RGPD1: variants seen among roughly 807,000 people sequenced by gnomAD.
The protein encoded by RGPD1 is RANBP2 like and GRIP domain containing 1.
A neutral mutation model predicts 40.6 loss-of-function variants in RGPD1; 7 were observed. That is an observed-to-expected ratio of 0.17 (90% confidence interval 0.10 to 0.32). RGPD1 has a LOEUF of 0.32. Ranked by LOEUF, RGPD1 falls within the 10% of genes least tolerant of loss-of-function variation. RGPD1 has a pLI of 1.00. For missense variants in RGPD1, 50 were observed against 472.5 expected (o/e 0.11, Z 8.29); for synonymous variants, 24 against 167.0 (o/e 0.14, Z 6.60).
At chr2:86,935,977 TTTC>T (rs60651696) in intron 1 of RGPD1, among the ~76,000 whole-genome samples, 7,171 of 142,256 alleles carry the variant, frequency 0.05, 589 homozygotes, top group African/African-American at 0.17. Context: ...TATCAGATAT[TTTC>T]TTATCAAAAA....
rs1302906854 is a variant in RGPD1, at chr2:86,920,032, G to T, written c.72+6111G>T. Reference sequence around the variant, plus strand: ...AGGAATTGCTGTCTGCAATTTCCTTGAGAAAAATCTTATGGGAAAATAGGG... The same window carrying T: ...AGGAATTGCTGTCTGCAATTTCCTTTAGAAAAATCTTATGGGAAAATAGGG... On this transcript the variant is annotated intron_variant, in intron 1 of 22. Coordinates refer to the RGPD1 transcript ENST00000398193. Among the ~76,000 whole-genome samples, 1,167 of 151,958 alleles carry T rather than the reference G, an allele frequency of 7.7e-3. 5 individuals carry two copies. Among genetic ancestry groups the T allele is most frequent in the African/African-American group, 0.025 (1,049 of 41,372 alleles).
chr2:86,941,010 TAGAA>T (rs1169285770), upstream of RGPD1, among the ~76,000 whole-genome samples: 1 of 151,346 alleles, frequency 6.6e-6, no homozygotes, highest in Non-Finnish European at 1.5e-5. Flanking sequence ...TTTCCTTTTT[TAGAA>T]AGGCAATACT....
At chr2:86,942,377 CGG>C in intron 1 of RGPD1, 69 bp downstream of exon 1, 1 of 1,405,592 alleles carries the variant, frequency 7.1e-7, no homozygotes, top group South Asian at 1.3e-5. Context: ...GGCCGGGCGG[CGG>C]CCTCGACCTG....
intron 1 of RGPD1, among the ~76,000 whole-genome samples, chr2:86,918,453 C>CTTTTTTT (rs1160123598): frequency 1.3e-5 from 1 of 78,110 alleles, no homozygotes; most frequent in East Asian, 3.7e-4. Flanking sequence ...CACACCAAAT[C>CTTTTTTT]TTTTTTTTTT....
chr2:86,962,536 C>G (rs944516162), intron 6 of RGPD1, among the ~76,000 whole-genome samples: 1 of 95,588 alleles, frequency 1.0e-5, no homozygotes. Context: ...AAAAAAAAGA[C>G]AATTTATTTA....
At chr2:86,942,833 A>T (rs923810767) in intron 1 of RGPD1, among the ~76,000 whole-genome samples, 1 of 151,918 alleles carries the variant, frequency 6.6e-6, no homozygotes, top group African/African-American at 2.4e-5. Context: ...CAAGCGCAGG[A>T]AGAGTCCTGG....
intron 4 of RGPD1, among the ~76,000 whole-genome samples, chr2:86,955,944 T>C (rs1188448043): frequency 2.0e-5 from 3 of 150,762 alleles, no homozygotes; most frequent in Non-Finnish European, 4.4e-5. Flanking sequence ...GTGTAACAAG[T>C]AAGATACTTT....
chr2:86,945,628 T>G (rs1447841613), intron 1 of RGPD1, among the ~76,000 whole-genome samples: 1 of 152,214 alleles, frequency 6.6e-6, no homozygotes, highest in Non-Finnish European at 1.5e-5. Flanking sequence ...GCTTTTGCCC[T>G]TCTTAAAAAT....
intron 1 of RGPD1, chr2:86,930,799 C>T: frequency 3.9e-6 from 4 of 1,021,962 alleles, no homozygotes; most frequent in Non-Finnish European, 5.6e-6. Flanking sequence ...CCTCTACCGC[C>T]AGCCGCCCCG....
intron 1 of RGPD1, among the ~76,000 whole-genome samples, chr2:86,944,785 G>A (rs1680213495): frequency 1.3e-5 from 2 of 152,002 alleles, no homozygotes; most frequent in South Asian, 2.1e-4. Context: ...GTGGCTCACT[G>A]CAGCGTTGAC....
chr2:86,971,222 G>A lies in RGPD1; in HGVS notation c.1064-525G>A, dbSNP rs1434927223. ...GCTAATTTTTTTTTTTTTTTTTTTT[G>A]TATTTTTAGTAGAGACGGAGTTTCA... On this transcript the variant is annotated intron_variant, in intron 8 of 22. Coordinates refer to ENST00000641458, the MANE Select transcript of RGPD1 (RefSeq NM_001382344.1). Among the ~76,000 whole-genome samples, 2 of 29,336 alleles carry A rather than the reference G, an allele frequency of 6.8e-5. 1 individual carries two copies. Among genetic ancestry groups the A allele is most frequent in the Non-Finnish European group, 1.1e-4 (2 of 17,688 alleles). 19.2% of individuals were successfully genotyped at this position (29,336 alleles called of 152,430 possible).
chr2:86,943,675 C>T (rs1430476448), intron 1 of RGPD1, among the ~76,000 whole-genome samples: 1 of 152,146 alleles, frequency 6.6e-6, no homozygotes, highest in Non-Finnish European at 1.5e-5. Context: ...TGACACATAG[C>T]ACTAAGTGTT....
intron 1 of RGPD1, among the ~76,000 whole-genome samples, chr2:86,925,240 A>G (rs1212905412): frequency 6.6e-6 from 1 of 151,558 alleles, no homozygotes; most frequent in African/African-American, 2.4e-5. Context: ...TTTTTATTTT[A>G]GTTATCCAAT....
intron 20 of RGPD1, among the ~76,000 whole-genome samples, chr2:86,988,380 G>GGTA (rs1199593378): frequency 9.1e-6 from 1 of 110,490 alleles, no homozygotes; most frequent in Non-Finnish European, 1.9e-5. Flanking sequence ...AGGAGATGGA[G>GGTA]GTAGCAGTGA....
At chr2:86,915,309 A>G (rs1573558696) in intron 1 of RGPD1, among the ~76,000 whole-genome samples, 1 of 150,876 alleles carries the variant, frequency 6.6e-6, no homozygotes, top group South Asian at 2.1e-4. Flanking sequence ...GTTAGGCAAG[A>G]CATTGGCAGA....
chr2:86,940,788 A>G (rs1165845546), upstream of RGPD1, among the ~76,000 whole-genome samples: 1 of 150,430 alleles, frequency 6.6e-6, no homozygotes, highest in African/African-American at 2.4e-5. Context: ...CTACCATTTC[A>G]TCTTCCTACT....
chr2:86,938,502 T>TG (rs1410433305), upstream of RGPD1, among the ~76,000 whole-genome samples: 1 of 143,388 alleles, frequency 7.0e-6, no homozygotes, highest in Non-Finnish European at 1.5e-5. Flanking sequence ...CTATTTAGGT[T>TG]GAGGGTAAAG....
intron 6 of RGPD1, among the ~76,000 whole-genome samples, chr2:86,960,831 C>A (rs1210724544): frequency 2.6e-5 from 1 of 39,052 alleles, no homozygotes; most frequent in Admixed American, 2.3e-4. Flanking sequence ...CCTTGTGATC[C>A]GCCTGCCTCA....
chr2:86,939,376 C>G (rs1471577292), upstream of RGPD1, among the ~76,000 whole-genome samples: 5 of 149,572 alleles, frequency 3.3e-5, no homozygotes, highest in Admixed American at 2.0e-4. Context: ...GCCAGGAGTT[C>G]AAGACCAGCC....
Sources: gnomAD v4.1 joint callset for allele counts (sites outside exome capture counted in the v4.1 genomes callset) on GRCh38, gnomAD v4.1.1 for gene constraint, MANE v1.5 for transcripts, NCBI Gene and HGNC (gene_info 2026-07-23, HGNC 2026-07-21) for gene names.